HTR3B: variants seen among roughly 807,000 people sequenced by gnomAD.
The protein encoded by HTR3B is 5-hydroxytryptamine receptor 3B.
In HTR3B, 44 loss-of-function variants were observed where a neutral mutation model predicts 42.8. That is an observed-to-expected ratio of 1.03 (90% CI 0.81 to 1.32). The LOEUF (loss-of-function observed/expected upper bound fraction) is 1.32, where lower values mean the gene tolerates loss of function less well. HTR3B is among the 40% of genes most tolerant of loss of function. The probability of loss-of-function intolerance (pLI) is 0.00; values close to 1 mark genes in which losing one functional copy is unlikely to be tolerated. For synonymous variants in HTR3B, 203 were observed against 209.0 expected (o/e 0.97, Z 0.25); for missense variants, 527 against 536.5 (o/e 0.98, Z 0.17).
chr11:113,930,365 T>G (rs1362593072), intron 2 of HTR3B, among the ~76,000 whole-genome samples: 2 of 152,128 alleles, frequency 1.3e-5, no homozygotes, highest in Non-Finnish European at 2.9e-5. Context: ...TTTGAGTTAA[T>G]GTTTATATAC....
At chr11:113,931,458 T>C in intron 3 of HTR3B, 30 bp downstream of exon 3, 1 of 1,357,120 alleles carries the variant, frequency 7.4e-7, no homozygotes, top group Non-Finnish European at 1.0e-6. Flanking sequence ...TCTAAATATA[T>C]TGCACTCCTG....
chr11:113,916,417 T>A (rs1242789889), intron 2 of HTR3B, among the ~76,000 whole-genome samples: 1 of 152,252 alleles, frequency 6.6e-6, no homozygotes, highest in Non-Finnish European at 1.5e-5. Flanking sequence ...TATGTTTGTC[T>A]TTCTAACAAT....
chr11:113,910,694 C>A (rs1949782956), intron 2 of HTR3B, among the ~76,000 whole-genome samples: 1 of 152,108 alleles, frequency 6.6e-6, no homozygotes, highest in Non-Finnish European at 1.5e-5. Flanking sequence ...TCTGCCTCGG[C>A]CTCCCAAAGT....
Position 113,937,146 on chromosome 11 carries a change from A to G in HTR3B, c.696+4053A>G, listed in dbSNP as rs1324392916. Among the ~76,000 whole-genome samples, 4 of 152,316 alleles carry G rather than the reference A, an allele frequency of 2.6e-5. No homozygotes were observed. The East Asian group carries it at 7.7e-4, about 29-fold the overall frequency. Reference sequence around the variant, plus strand: ...TAGTCCATTAGAAATGATGAGCTGTAGGTAGGGGCAGTTTTGCAGAGAGCA... The same window carrying G: ...TAGTCCATTAGAAATGATGAGCTGTGGGTAGGGGCAGTTTTGCAGAGAGCA... On this transcript the variant is annotated intron_variant, in intron 6 of 8. Transcript: ENST00000260191.
At chr11:113,905,802 G>C (rs1458280861) in intron 1 of HTR3B, among the ~76,000 whole-genome samples, 1 of 152,148 alleles carries the variant, frequency 6.6e-6, no homozygotes, top group Non-Finnish European at 1.5e-5. Context: ...AGTGGAATGA[G>C]TCAATTATAG....
upstream of HTR3B, among the ~76,000 whole-genome samples, chr11:113,902,895 G>C (rs558999805): frequency 2.0e-5 from 3 of 152,136 alleles, no homozygotes; most frequent in South Asian, 2.1e-4. Context: ...TTGAGACAGG[G>C]TCTACCTCTA....
rs2137543617 is a variant in HTR3B, at chr11:113,946,230, G to A, written c.*93G>A. 1.0e-6 allele frequency: 1 copy of A among 993,448 alleles called. No homozygotes were observed. Among genetic ancestry groups the A allele is most frequent in the South Asian group, 1.4e-5 (1 of 69,508 alleles). 61.5% of individuals were successfully genotyped at this position (993,448 alleles called of 1,614,324 possible). A position where few individuals can be genotyped will look rare whatever the true frequency, so the allele number is the denominator to read the frequency against. The stretch of plus-strand genomic sequence containing the variant: ...TAAAAAGCTTTCTGGGTCGGGTGTG[G>A]TGGTTCTTGCCTATAGTCCCAGTGC... On this transcript the variant is annotated 3_prime_UTR_variant, in exon 9 of 9. Transcript: ENST00000260191.
chr11:113,921,759 A>G (rs1021224263), intron 2 of HTR3B, among the ~76,000 whole-genome samples: 2 of 152,164 alleles, frequency 1.3e-5, no homozygotes, highest in African/African-American at 4.8e-5. Flanking sequence ...CTTTCTTCCT[A>G]CCCTGACAAA....
At chr11:113,920,530 C>A (rs1223081497) in intron 2 of HTR3B, among the ~76,000 whole-genome samples, 1 of 151,960 alleles carries the variant, frequency 6.6e-6, no homozygotes, top group Non-Finnish European at 1.5e-5. Flanking sequence ...CACCTACCAC[C>A]ATGTCCAGCT....
At chr11:113,937,942 A>G (rs927825296) in intron 6 of HTR3B, among the ~76,000 whole-genome samples, 3 of 152,210 alleles carry the variant, frequency 2.0e-5, no homozygotes, top group Non-Finnish European at 2.9e-5. Flanking sequence ...CCTTCTGGGC[A>G]TTCTGAGGGA....
intron 2 of HTR3B, among the ~76,000 whole-genome samples, chr11:113,911,670 G>T (rs1309831806): frequency 6.6e-6 from 1 of 151,880 alleles, no homozygotes; most frequent in African/African-American, 2.4e-5. Flanking sequence ...AGGATTACAG[G>T]TGTCTGCCAC....
intron 2 of HTR3B, among the ~76,000 whole-genome samples, chr11:113,923,661 CT>C (rs1949937990): frequency 1.3e-5 from 2 of 152,050 alleles, no homozygotes; most frequent in Non-Finnish European, 2.9e-5. Context: ...TTCCAATTCT[CT>C]GAAATATCCT....
intron 6 of HTR3B, among the ~76,000 whole-genome samples, chr11:113,939,802 G>A (rs892974218): frequency 6.6e-6 from 1 of 151,924 alleles, no homozygotes; most frequent in Non-Finnish European, 1.5e-5. Flanking sequence ...AAGGCATGGA[G>A]GAGTTGACTC....
chr11:113,915,137 T>G (rs945589762), intron 2 of HTR3B, among the ~76,000 whole-genome samples: 3 of 152,180 alleles, frequency 2.0e-5, no homozygotes, highest in African/African-American at 7.2e-5. Context: ...AATCTTGTCA[T>G]AGTTTTACCA....
chr11:113,907,579 C>T (rs1949743175), intron 1 of HTR3B, among the ~76,000 whole-genome samples: 1 of 152,070 alleles, frequency 6.6e-6, no homozygotes, highest in African/African-American at 2.4e-5. Flanking sequence ...TCCTAGCTTC[C>T]AGAACTTTCT....
At chr11:113,924,463 A>T (rs891209570) in intron 2 of HTR3B, among the ~76,000 whole-genome samples, 25 of 151,928 alleles carry the variant, frequency 1.6e-4, no homozygotes, top group Admixed American at 1.2e-3. Context: ...AAAAATTAAT[A>T]ATAATAAATT....
chr11:113,914,412 C>T (rs7927816), intron 2 of HTR3B, among the ~76,000 whole-genome samples: 16 of 149,976 alleles, frequency 1.1e-4, no homozygotes, highest in African/African-American at 3.4e-4. Context: ...TGCAGTGAGC[C>T]GAGATCACGC....
Position 113,946,506 on chromosome 11 carries a change from G to A in HTR3B, c.*369G>A. The A allele has an allele frequency of 6.2e-6, 1 of 160,926 alleles. No homozygotes were observed. The highest frequency in any genetic ancestry group is 1.4e-5 in the Non-Finnish European group (1 of 73,166). 10.0% of individuals were successfully genotyped at this position (160,926 alleles called of 1,614,324 possible). A position where few individuals can be genotyped will look rare whatever the true frequency, so the allele number is the denominator to read the frequency against. On this transcript the variant is annotated 3_prime_UTR_variant, in exon 9 of 9. Transcript: ENST00000260191. Reference sequence around the variant, plus strand: ...ATTGCACCACTGCACCCCAGCCTGGGTGACAGAGCAAGACCCTGTCTCAAA... The same window carrying A: ...ATTGCACCACTGCACCCCAGCCTGGATGACAGAGCAAGACCCTGTCTCAAA...
At chr11:113,925,141 C>G (rs1188606703) in intron 2 of HTR3B, among the ~76,000 whole-genome samples, 3 of 152,162 alleles carry the variant, frequency 2.0e-5, no homozygotes, top group Admixed American at 6.5e-5. Context: ...CTTCTGACCC[C>G]CTATCCAACC....
Sources: gnomAD v4.1 joint callset for allele counts (sites outside exome capture counted in the v4.1 genomes callset) on GRCh38, gnomAD v4.1.1 for gene constraint, MANE v1.5 for transcripts, NCBI Gene and HGNC (gene_info 2026-07-23, HGNC 2026-07-21) for gene names.